The following DNAJA3 variants were observed in gnomAD, a reference collection of about 807,000 sequenced individuals.
DNAJA3 encodes the protein dnaJ homolog subfamily A member 3, mitochondrial.
DNAJA3 carries 29 observed loss-of-function variants against 54.9 expected under a neutral mutation model. The ratio of observed to expected loss-of-function variants is 0.53; its 90% CI spans 0.39 to 0.72. The LOEUF is 0.72. Ranked by LOEUF, DNAJA3 falls within the 30% of genes least tolerant of loss-of-function variation. The probability of loss-of-function intolerance (pLI) is 0.00; values close to 1 mark genes in which losing one functional copy is unlikely to be tolerated. For missense variants in DNAJA3, 708 were observed against 639.4 expected (o/e 1.11, Z -1.16); for synonymous variants, 302 against 251.4 (o/e 1.20, Z -1.90).
At chr16:4,453,156 G>A (rs1213809256) in intron 10 of DNAJA3, among the ~76,000 whole-genome samples, 2 of 152,148 alleles carry the variant, frequency 1.3e-5, no homozygotes, top group African/African-American at 4.8e-5. Flanking sequence ...CTGGACTCAA[G>A]TGATCCTCCC....
intron 1 of DNAJA3, among the ~76,000 whole-genome samples, chr16:4,429,201 T>G (rs929461782): frequency 1.3e-5 from 2 of 148,658 alleles, no homozygotes; most frequent in Admixed American, 1.3e-4. Flanking sequence ...TTTTTTTTGT[T>G]TGTTTGTTTG....
At chr16:4,446,743 A>G in intron 7 of DNAJA3, 143 bp from the exon 8 acceptor site, 2 of 921,352 alleles carry the variant, frequency 2.2e-6, no homozygotes, top group Non-Finnish European at 3.3e-6. Flanking sequence ...TTGGAAGGAC[A>G]GTTCTTTCCC....
intron 1 of DNAJA3, among the ~76,000 whole-genome samples, chr16:4,426,476 G>A (rs553684892): frequency 6.6e-6 from 1 of 152,290 alleles, no homozygotes; most frequent in East Asian, 1.9e-4. Flanking sequence ...CAACAACCCT[G>A]CAAGATGCCT....
intron 3 of DNAJA3, among the ~76,000 whole-genome samples, chr16:4,439,018 G>C (rs1490458452): frequency 1.3e-5 from 2 of 151,622 alleles, no homozygotes; most frequent in African/African-American, 4.9e-5. Context: ...TGGAAGATAA[G>C]ATTAATTTTT....
chr16:4,453,430 GTTCTTTTTTTTTTT>G (rs997148323), intron 10 of DNAJA3, among the ~76,000 whole-genome samples: 1 of 150,512 alleles, frequency 6.6e-6, no homozygotes, highest in Non-Finnish European at 1.5e-5. Flanking sequence ...GCTCCTTGTT[GTTCTTTTTTTTTTT>G]TTCTTTTTTT....
At chr16:4,447,130 C>A in intron 8 of DNAJA3, 116 bp downstream of exon 8, 1 of 1,272,954 alleles carries the variant, frequency 7.9e-7, no homozygotes, top group Non-Finnish European at 1.1e-6. Flanking sequence ...TGGGGGGGCA[C>A]TCACAGGGGA....
At chr16:4,433,611 A>G (rs1481602043) in intron 1 of DNAJA3, among the ~76,000 whole-genome samples, 1 of 152,206 alleles carries the variant, frequency 6.6e-6, no homozygotes, top group African/African-American at 2.4e-5. Context: ...TAGATACCCA[A>G]GGCTGCAAGA....
chr16:4,433,659 A>G (rs1242877106), intron 1 of DNAJA3, among the ~76,000 whole-genome samples: 1 of 152,182 alleles, frequency 6.6e-6, no homozygotes, highest in Non-Finnish European at 1.5e-5. Flanking sequence ...TAAGCATTAA[A>G]TGTGACAGAA....
rs201911562 is a variant in DNAJA3, at chr16:4,442,439, C to T, written c.783+19C>T. 243 of 1,568,782 alleles carry T rather than the reference C, an allele frequency of 1.5e-4. No individual in the cohort carries two copies. Among genetic ancestry groups the T allele is most frequent in the Non-Finnish European group, 1.9e-4 (221 of 1,154,614 alleles). On this transcript the variant is annotated intron_variant, in intron 5 of 11. Coordinates refer to ENST00000262375, the MANE Select transcript of DNAJA3 (RefSeq NM_005147.6). ...CGGCATGGTAAGGCTCTGCCCGAGA[C>T]TCCACCTCCCACGGCTTGCACCACT...
rs1259161058 is a variant in DNAJA3 at position 4,438,889 on chromosome 16, T to C, written c.429+1404T>C. Among the ~76,000 whole-genome samples the C allele has an allele frequency of 2.0e-5, 3 of 152,156 alleles. No homozygotes were observed. In the East Asian group the frequency reaches 5.8e-4, roughly 29 times the overall value. ...TCAGTAAATCTTTTTTGAGTAAATA[T>C]CTGTCAACTAGATCTAATGAAAAGT... On this transcript the variant is annotated intron_variant, in intron 3 of 11. Coordinates refer to ENST00000262375, the MANE Select transcript of DNAJA3 (RefSeq NM_005147.6).
At chr16:4,447,378 G>T in intron 8 of DNAJA3, 1 of 193,606 alleles carries the variant, frequency 5.2e-6, no homozygotes, top group Non-Finnish European at 1.1e-5. Context: ...TATCCCTTTT[G>T]CCACAGTGAT....
At chr16:4,453,404 TGA>T (rs1038949508) in intron 10 of DNAJA3, among the ~76,000 whole-genome samples, 3 of 151,534 alleles carry the variant, frequency 2.0e-5, no homozygotes, top group Non-Finnish European at 4.4e-5. Context: ...ACTTTTTGAG[TGA>T]GAGACACAGT....
rs370915937 is a variant in DNAJA3, at chr16:4,455,146, C to T, written c.*13+219C>T. 3.3e-5 allele frequency among the ~76,000 whole-genome samples: 5 copies of T among 152,160 alleles called. No individual in the cohort carries two copies. The East Asian group carries it at 7.7e-4, about 23-fold the overall frequency. ...TAGTGCAGGACTGGCTGGGCTGCCG[C>T]GGCCAGCCTCTGGCTGTGTCTTCTT... On this transcript the variant is annotated intron_variant, in intron 11 of 11. Coordinates refer to ENST00000262375, the MANE Select transcript of DNAJA3 (RefSeq NM_005147.6).
At position 4,425,892 on chromosome 16, in the gene DNAJA3, G is replaced by C. The variant is rs773766311; in HGVS notation, c.11G>C (p.Arg4Pro). Reference sequence around the variant, plus strand: ...AGTCCCCGGGCCAAGATGGCTGCGCGGTGCTCCACACGCTGGTTGCTGGTG... The same window carrying C: ...AGTCCCCGGGCCAAGATGGCTGCGCCGTGCTCCACACGCTGGTTGCTGGTG... MAARCSTRWLLVVV... is the reference protein window; with the variant it reads MAAPCSTRWLLVVV... The change falls in exon 1 of 12, where the codon CGG becomes CCG. Residue 4 changes from arginine to proline, a missense_variant. Physicochemically the swap from Arg to Pro is moderately radical, Grantham distance 103 (BLOSUM62 -2). Coordinates refer to ENST00000262375, the MANE Select transcript of DNAJA3 (RefSeq NM_005147.6). 2 of 1,536,440 alleles carry C rather than the reference G, an allele frequency of 1.3e-6. No homozygotes were observed. Among genetic ancestry groups the C allele is most frequent in the Non-Finnish European group, 1.7e-6 (2 of 1,143,376 alleles).
chr16:4,428,208 C>G (rs143945676), intron 1 of DNAJA3, among the ~76,000 whole-genome samples: 2 of 152,258 alleles, frequency 1.3e-5, no homozygotes, highest in African/African-American at 4.8e-5. Flanking sequence ...GCCTCAGCCT[C>G]CCAAAGTGCT....
rs369923574 is a variant in DNAJA3, at chr16:4,446,907, C to T, written c.1018C>T (p.Arg340Trp). Residue 340 changes from arginine to tryptophan, a missense_variant, in exon 8 of 12, where the codon CGG becomes TGG. Transcript: ENST00000262375. ...TTAGGTGCAGAAAAGCCCTGTGTTC[C>T]GGAGGGACGGCGCAGACATCCACTC... ...TFRVQKSPVF[R>W]RDGADIHSDL... The T allele has an allele frequency of 1.4e-5, 22 of 1,613,902 alleles. No homozygotes were observed. The highest frequency in any genetic ancestry group is 6.6e-5 in the South Asian group (6 of 91,068).
At chr16:4,429,794 A>G (rs1170220551) in intron 1 of DNAJA3, among the ~76,000 whole-genome samples, 2 of 151,912 alleles carry the variant, frequency 1.3e-5, no homozygotes, top group African/African-American at 2.4e-5. Flanking sequence ...AGTTAGCGCC[A>G]TTGCACTCCA....
At chr16:4,437,841 T>C (rs1215268078) in intron 3 of DNAJA3, among the ~76,000 whole-genome samples, 3 of 147,118 alleles carry the variant, frequency 2.0e-5, no homozygotes, top group African/African-American at 7.6e-5. Flanking sequence ...TAAACCCAGC[T>C]ACTTGGGAGG....
intron 1 of DNAJA3, among the ~76,000 whole-genome samples, chr16:4,429,195 T>TTTTG (rs919451208): frequency 7.7e-6 from 1 of 129,596 alleles, no homozygotes; most frequent in East Asian, 2.5e-4. Context: ...CCAAGATTTT[T>TTTTG]TTTGTTTGTT....
Sources: gnomAD v4.1 joint callset for allele counts (sites outside exome capture counted in the v4.1 genomes callset) on GRCh38, gnomAD v4.1.1 for gene constraint, MANE v1.5 for transcripts, NCBI Gene and HGNC (gene_info 2026-07-23, HGNC 2026-07-21) for gene names.